PAK5: variants seen among roughly 807,000 people sequenced by gnomAD.
PAK5 encodes p21 (RAC1) activated kinase 5.
Under a neutral mutation model 65.9 loss-of-function variants are expected in PAK5, and 16 were observed. The ratio of observed to expected loss-of-function variants is 0.24; its 90% CI spans 0.16 to 0.37. The LOEUF is 0.37. Ranked by LOEUF, PAK5 falls within the 10% of genes least tolerant of loss-of-function variation. The pLI, the probability that PAK5 is intolerant of heterozygous loss-of-function variation, is 1.00. For missense variants in PAK5, 785 were observed against 903.9 expected, an observed-to-expected ratio of 0.87 and a Z score of 1.69; for synonymous variants, 371 against 354.9, an observed-to-expected ratio of 1.05 and a Z score of -0.51.
rs2048588393 is a variant in PAK5 at position 9,752,491 on chromosome 20, G to A, written c.-161-41056C>T. 2.0e-5 allele frequency among the ~76,000 whole-genome samples: 3 copies of A among 152,110 alleles called. No individual in the cohort carries two copies. The South Asian group carries it at 6.2e-4, about 32-fold the overall frequency. On this transcript the variant is annotated intron_variant, in intron 1 of 9. Coordinates refer to ENST00000353224, the MANE Select transcript of PAK5 (RefSeq NM_177990.4). ...TGTGGTCTACCAGGGGAGAGATAATGGTGGCTTGGATTAGCAGTGGTAAGA... is the reference window on the plus strand; with the variant it reads ...TGTGGTCTACCAGGGGAGAGATAATAGTGGCTTGGATTAGCAGTGGTAAGA...
At chr20:9,762,706 T>C (rs962958003) in intron 1 of PAK5, among the ~76,000 whole-genome samples, 1 of 152,132 alleles carries the variant, frequency 6.6e-6, no homozygotes, top group South Asian at 2.1e-4. Flanking sequence ...GAAAACAGTA[T>C]GGAAAGTTCT....
At chr20:9,751,443 A>G (rs1291030394) in intron 1 of PAK5, among the ~76,000 whole-genome samples, 3 of 152,150 alleles carry the variant, frequency 2.0e-5, no homozygotes, top group Non-Finnish European at 4.4e-5. Context: ...TTAGCAGCTG[A>G]TAAAAGGAAA....
At chr20:9,562,533 G>C (rs561264027) in intron 6 of PAK5, among the ~76,000 whole-genome samples, 1 of 152,226 alleles carries the variant, frequency 6.6e-6, no homozygotes, top group South Asian at 2.1e-4. Context: ...TGGTATCCTT[G>C]GTGTCTTAGC....
intron 5 of PAK5, among the ~76,000 whole-genome samples, chr20:9,564,124 T>A (rs1163801595): frequency 1.3e-5 from 2 of 152,230 alleles, no homozygotes; most frequent in African/African-American, 4.8e-5. Flanking sequence ...CTTGATATTT[T>A]AGGACTTAGA....
chr20:9,705,858 G>A (rs1420308553), intron 2 of PAK5, among the ~76,000 whole-genome samples: 1 of 152,180 alleles, frequency 6.6e-6, no homozygotes, highest in Non-Finnish European at 1.5e-5. Flanking sequence ...CTGTGAAAAT[G>A]AACTACAAAA....
intron 1 of PAK5, among the ~76,000 whole-genome samples, chr20:9,771,796 T>C (rs1242603967): frequency 1.3e-5 from 2 of 152,066 alleles, no homozygotes; most frequent in Non-Finnish European, 2.9e-5. Context: ...ATCAACACTT[T>C]GGGAGTCCGG....
chr20:9,804,631 G>T (rs560017502), intron 1 of PAK5, among the ~76,000 whole-genome samples: 7 of 152,256 alleles, frequency 4.6e-5, no homozygotes, highest in African/African-American at 1.7e-4. Context: ...AAACATAAGG[G>T]TAAATCTGCA....
intron 1 of PAK5, among the ~76,000 whole-genome samples, chr20:9,793,819 A>G (rs977154567): frequency 9.2e-5 from 14 of 152,154 alleles, no homozygotes; most frequent in African/African-American, 3.1e-4. Flanking sequence ...CAGAAATCCC[A>G]TTACTGAGTA....
intron 4 of PAK5, among the ~76,000 whole-genome samples, chr20:9,570,467 TGTGA>T (rs2045759343): frequency 8.7e-6 from 1 of 114,414 alleles, no homozygotes; most frequent in South Asian, 2.4e-4. Context: ...AACGTGTGTG[TGTGA>T]GTGTGTGTGT....
intron 1 of PAK5, among the ~76,000 whole-genome samples, chr20:9,728,962 G>T (rs1024136570): frequency 3.9e-5 from 6 of 151,994 alleles, no homozygotes; most frequent in Admixed American, 2.0e-4. Context: ...TTCCAATTTT[G>T]GGTAATTGTA....
chr20:9,576,545 G>A (rs986186825), intron 4 of PAK5, among the ~76,000 whole-genome samples: 7 of 152,200 alleles, frequency 4.6e-5, no homozygotes, highest in African/African-American at 1.7e-4. Flanking sequence ...ATAGTGTCAA[G>A]GTGGTGGACC....
intron 2 of PAK5, among the ~76,000 whole-genome samples, chr20:9,701,168 C>T (rs766194124): frequency 6.6e-6 from 1 of 152,168 alleles, no homozygotes; most frequent in Non-Finnish European, 1.5e-5. Context: ...ATTCACATTT[C>T]TCTCTATATA....
chr20:9,754,318 T>G (rs1174892116), intron 1 of PAK5, among the ~76,000 whole-genome samples: 1 of 152,082 alleles, frequency 6.6e-6, no homozygotes, highest in Non-Finnish European at 1.5e-5. Context: ...GAGACTGGGG[T>G]TTCTTAAGGA....
intron 3 of PAK5, among the ~76,000 whole-genome samples, chr20:9,637,462 C>A (rs1044389183): frequency 2.6e-5 from 4 of 151,890 alleles, no homozygotes; most frequent in African/African-American, 9.7e-5. Context: ...TCTGAGGAAC[C>A]CCCCATAGGT....
In PAK5 at chr20:9,726,572, G is replaced by A. The variant is rs192146023; in HGVS notation, c.-161-15137C>T. Among the ~76,000 whole-genome samples, 327 of 152,196 alleles carry A rather than the reference G, an allele frequency of 2.1e-3. 5 individuals are homozygous for A. Among genetic ancestry groups the A allele is most frequent in the African/African-American group, 7.5e-3 (313 of 41,514 alleles). On this transcript the variant is annotated intron_variant, in intron 1 of 9. Transcript: ENST00000353224. ...TAAATGCAGGTCAAAATTGAGTACA[G>A]GGATTTTTTTTAAGCAAATAAAAGT...
chr20:9,782,336 A>T (rs1208294397), intron 1 of PAK5, among the ~76,000 whole-genome samples: 3 of 152,086 alleles, frequency 2.0e-5, no homozygotes, highest in African/African-American at 7.2e-5. Context: ...AACCCAGCCC[A>T]TCCAACGATT....
intron 3 of PAK5, among the ~76,000 whole-genome samples, chr20:9,636,513 T>A (rs182279947): frequency 2.0e-5 from 3 of 152,130 alleles, no homozygotes; most frequent in Admixed American, 6.6e-5. Context: ...TACCGAAGAC[T>A]ACAAAGACAA....
At chr20:9,709,789 T>C (rs1488628534) in intron 2 of PAK5, among the ~76,000 whole-genome samples, 2 of 151,960 alleles carry the variant, frequency 1.3e-5, no homozygotes, top group African/African-American at 4.9e-5. Flanking sequence ...TGAAAAACTC[T>C]TCTGAGCACA....
At chr20:9,789,153 G>A (rs2049023475) in intron 1 of PAK5, among the ~76,000 whole-genome samples, 1 of 152,166 alleles carries the variant, frequency 6.6e-6, no homozygotes, top group Non-Finnish European at 1.5e-5. Context: ...GCAAGCCCTT[G>A]GTGACTCAAG....
Sources: gnomAD v4.1 joint callset for allele counts (sites outside exome capture counted in the v4.1 genomes callset) on GRCh38, gnomAD v4.1.1 for gene constraint, MANE v1.5 for transcripts, NCBI Gene and HGNC (gene_info 2026-07-23, HGNC 2026-07-21) for gene names.